ATP8A2: variants seen among roughly 807,000 people sequenced by gnomAD.
ATP8A2 encodes the protein ATPase phospholipid transporting 8A2.
Under a neutral mutation model 165.6 loss-of-function variants are expected in ATP8A2, and 100 were observed. The ratio of observed to expected loss-of-function variants is 0.60; its 90% CI spans 0.51 to 0.71. ATP8A2 has a LOEUF of 0.71. Among genes scored for constraint, ATP8A2 ranks in the 30% least tolerant of loss-of-function variants. ATP8A2 has a pLI of 0.00. For synonymous variants in ATP8A2, 543 were observed against 548.8 expected (o/e 0.99, Z 0.15); for missense variants, 1,227 against 1,479.5 (o/e 0.83, Z 2.80).
rs189681284 is a variant in ATP8A2 at position 25,781,801 on chromosome 13, A to T, written c.2679+6842A>T. 3.9e-5 allele frequency among the ~76,000 whole-genome samples: 6 copies of T among 152,264 alleles called. No individual in the cohort carries two copies. In the South Asian group the frequency reaches 1.2e-3, roughly 32 times the overall value. On this transcript the variant is annotated intron_variant, in intron 27 of 36. Transcript: ENST00000381655. The stretch of plus-strand genomic sequence containing the variant: ...TGACCCCTTTGCCCGACCTTCAAAC[A>T]TTGTTAGAAAAAAATCATATCTAAA...
intron 30 of ATP8A2, among the ~76,000 whole-genome samples, chr13:25,844,717 C>T (rs993294207): frequency 2.0e-5 from 3 of 152,094 alleles, no homozygotes; most frequent in African/African-American, 2.4e-5. Context: ...CTCAGATGGC[C>T]ACCCACACCC....
chr13:25,678,125 C>G (rs1426616741), intron 24 of ATP8A2, among the ~76,000 whole-genome samples: 1 of 152,158 alleles, frequency 6.6e-6, no homozygotes, highest in African/African-American at 2.4e-5. Flanking sequence ...TTCTTGATGA[C>G]AAGAACTTGG....
chr13:25,409,080 T>C (rs1293851446), intron 1 of ATP8A2, among the ~76,000 whole-genome samples: 1 of 152,210 alleles, frequency 6.6e-6, no homozygotes, highest in Admixed American at 6.5e-5. Context: ...ATTTTGATCT[T>C]TCTGTAAAGC....
chr13:25,416,629 C>G (rs2034139446), intron 1 of ATP8A2, among the ~76,000 whole-genome samples: 1 of 152,142 alleles, frequency 6.6e-6, no homozygotes, highest in Non-Finnish European at 1.5e-5. Flanking sequence ...ATTCAAGAAC[C>G]CGTATCACTC....
intron 33 of ATP8A2, among the ~76,000 whole-genome samples, chr13:25,904,661 A>G (rs1231839838): frequency 6.6e-6 from 1 of 152,136 alleles, no homozygotes; most frequent in Non-Finnish European, 1.5e-5. Flanking sequence ...TTCAAATGTC[A>G]GTGTTATAGT....
chr13:25,634,168 C>G (rs1338212856), intron 24 of ATP8A2, among the ~76,000 whole-genome samples: 1 of 152,122 alleles, frequency 6.6e-6, no homozygotes, highest in Non-Finnish European at 1.5e-5. Flanking sequence ...GACACAGACA[C>G]TAGCAGTCTC....
At chr13:26,001,290 G>A (rs1033389452) in intron 35 of ATP8A2, among the ~76,000 whole-genome samples, 1 of 152,188 alleles carries the variant, frequency 6.6e-6, no homozygotes, top group African/African-American at 2.4e-5. Flanking sequence ...TCAGTTGGTG[G>A]ACATTTGGGT....
intron 36 of ATP8A2, 56 bp from the exon 37 acceptor site, chr13:26,019,832 A>T: frequency 1.6e-6 from 2 of 1,278,348 alleles, no homozygotes; most frequent in Non-Finnish European, 2.3e-6. Flanking sequence ...TTTTAAACCT[A>T]GTGTGCTCCC....
At position 25,610,062 on chromosome 13, in the gene ATP8A2, G is replaced by T. The variant is rs9578892; in HGVS notation, c.2211+20363G>T. On this transcript the variant is annotated intron_variant, in intron 24 of 36. Coordinates refer to ENST00000381655, the MANE Select transcript of ATP8A2 (RefSeq NM_016529.6). ...GCAAAGATTTTCTCCCATTCTGTGG[G>T]TTGTGTGTTTACTCTACTAATTGTT... Among the ~76,000 whole-genome samples the T allele has an allele frequency of 7.3e-3, 1,118 of 152,180 alleles. 11 individuals carry two copies. Among genetic ancestry groups the T allele is most frequent in the African/African-American group, 0.025 (1,051 of 41,542 alleles).
chr13:25,859,362 A>G (rs1952273303), intron 30 of ATP8A2, among the ~76,000 whole-genome samples: 1 of 152,162 alleles, frequency 6.6e-6, no homozygotes, highest in African/African-American at 2.4e-5. Context: ...AATCTAAAAC[A>G]AAAGTTGGAA....
At chr13:25,391,839 A>G (rs2033259551) in intron 1 of ATP8A2, among the ~76,000 whole-genome samples, 1 of 152,242 alleles carries the variant, frequency 6.6e-6, no homozygotes, top group African/African-American at 2.4e-5. Context: ...TGGAGGGTTC[A>G]GGGAAAATCT....
At chr13:25,412,834 G>T (rs926730824) in intron 1 of ATP8A2, among the ~76,000 whole-genome samples, 39 of 151,854 alleles carry the variant, frequency 2.6e-4, no homozygotes, top group Admixed American at 5.9e-4. Context: ...AATTTTTTTT[G>T]GGGGGGGATG....
chr13:25,724,002 G>T (rs1201138837), intron 25 of ATP8A2, among the ~76,000 whole-genome samples: 1 of 152,126 alleles, frequency 6.6e-6, no homozygotes, highest in Non-Finnish European at 1.5e-5. Context: ...TCTAGGTGCT[G>T]GGAGTGGCCC....
At chr13:25,397,970 T>C (rs772106220) in intron 1 of ATP8A2, among the ~76,000 whole-genome samples, 3 of 152,076 alleles carry the variant, frequency 2.0e-5, no homozygotes, top group Non-Finnish European at 4.4e-5. Context: ...ATAAGGGGGA[T>C]TGTGGAAGCC....
chr13:25,481,627 C>T (rs1054534831), intron 2 of ATP8A2, among the ~76,000 whole-genome samples: 2 of 152,202 alleles, frequency 1.3e-5, no homozygotes, highest in Non-Finnish European at 2.9e-5. Flanking sequence ...CTCAGGCTGC[C>T]ATAGCAAAAT....
At chr13:25,745,181 G>T (rs1054978259) in intron 25 of ATP8A2, among the ~76,000 whole-genome samples, 2 of 152,102 alleles carry the variant, frequency 1.3e-5, no homozygotes, top group African/African-American at 4.8e-5. Flanking sequence ...GACCTCAAGT[G>T]ATCCACCCGC....
At chr13:25,681,515 T>G (rs1278002906) in intron 24 of ATP8A2, among the ~76,000 whole-genome samples, 1 of 152,156 alleles carries the variant, frequency 6.6e-6, no homozygotes, top group East Asian at 1.9e-4. Flanking sequence ...AGGGCATTGG[T>G]GCCTTTTGTT....
chr13:25,449,389 A>G (rs1388312458), intron 1 of ATP8A2, among the ~76,000 whole-genome samples: 2 of 152,146 alleles, frequency 1.3e-5, no homozygotes, highest in African/African-American at 4.8e-5. Context: ...AAGTATGGAG[A>G]TTCCCCAGAG....
chr13:25,412,195 A>C (rs1324011434), intron 1 of ATP8A2, among the ~76,000 whole-genome samples: 1 of 152,168 alleles, frequency 6.6e-6, no homozygotes. Context: ...GATCATGTAA[A>C]TGAACAACTC....
Sources: allele counts gnomAD v4.1 joint callset (sites outside exome capture counted in the v4.1 genomes callset), GRCh38; gene constraint gnomAD v4.1.1; transcripts MANE v1.5; gene names NCBI Gene and HGNC (gene_info 2026-07-23, HGNC 2026-07-21).